The following HERC2 variants were observed in gnomAD, a reference collection of about 807,000 sequenced individuals.
The protein encoded by HERC2 is HECT and RLD domain containing E3 ubiquitin protein ligase 2, also known as E3 ubiquitin-protein ligase HERC2.
HERC2 carries 102 observed loss-of-function variants against 537.7 expected under a neutral mutation model. The observed-to-expected ratio is 0.19, with a 90% CI of 0.16 to 0.22. The LOEUF (loss-of-function observed/expected upper bound fraction) is 0.22, where lower values mean the gene tolerates loss of function less well. Among genes scored for constraint, HERC2 ranks in the 10% least tolerant of loss-of-function variants. The pLI is 1.00. For missense variants in HERC2, 4,236 were observed against 6,198.2 expected (o/e 0.68, Z 10.63); for synonymous variants, 2,224 against 2,466.2 (o/e 0.90, Z 2.91).
intron 2 of HERC2, among the ~76,000 whole-genome samples, chr15:28,314,167 A>T (rs2077019328): frequency 6.6e-6 from 1 of 152,218 alleles, no homozygotes; most frequent in South Asian, 2.1e-4. Context: ...AATATCTGAA[A>T]GTCAAGCAAA....
Position 28,142,905 on chromosome 15 carries a change from T to G in HERC2, c.11466A>C (p.Glu3822Asp), listed in dbSNP as rs1891366830. 6.2e-7 allele frequency: 1 copy of G among 1,602,432 alleles called. No individual in the cohort carries two copies. Among genetic ancestry groups the G allele is most frequent in the Non-Finnish European group, 8.5e-7 (1 of 1,170,354 alleles). Residue 3822 changes from glutamate to aspartate, a missense_variant, in exon 75 of 93, where the codon GAA becomes GAC. Transcript: ENST00000261609. ...CATATTCAAACTGCCTTTGCAAAGC[T>G]TCTGGAAGACCTTTCACCAAAGCAG... is the stretch of plus-strand genomic sequence containing the variant. ...ALAALVKGLP[E>D]ALQRQFEYED...
rs1258779567 is a variant in HERC2 at position 28,113,005 on chromosome 15, G to A, written c.14232+66C>T. ...TTCCATGTGCTGCAGGACTGTGGGT[G>A]AGGAGCCAGCCACCCACCGTCGGCC... is the stretch of plus-strand genomic sequence containing the variant. On this transcript the variant is annotated intron_variant, in intron 92 of 92. Transcript: ENST00000261609. This position sits in a 1 kb window ranked among gnomAD's most constrained non-coding sequence, Gnocchi z 7.0. The A allele has an allele frequency of 1.5e-6, 2 of 1,335,932 alleles. No homozygotes were observed. Among genetic ancestry groups the A allele is most frequent in the Admixed American group, 1.8e-5 (1 of 54,374 alleles). The allele number at this position is 1,335,932 out of a possible 1,614,324, so 82.8% of individuals were successfully genotyped here.
At position 28,201,587 on chromosome 15, in the gene HERC2, CAGG is replaced by C. The variant is rs753746021; in HGVS notation, c.7618-36_7618-34del. On this transcript the variant is annotated intron_variant, in intron 47 of 92. Coordinates refer to ENST00000261609, the MANE Select transcript of HERC2 (RefSeq NM_004667.6). Reference sequence around the variant, plus strand: ...AAATAAATACATTCAAACAAAAAAACAGGAGAACATGATAAACCTACTCAAAAA... The same window carrying C: ...AAATAAATACATTCAAACAAAAAAACAGAACATGATAAACCTACTCAAAAA... 177 of 1,348,546 alleles carry C rather than the reference CAGG, an allele frequency of 1.3e-4. No homozygotes were observed. In the African/African-American group the frequency reaches 2.2e-3, roughly 17 times the overall value. 83.5% of individuals were successfully genotyped at this position (1,348,546 alleles called of 1,614,324 possible).
intron 23 of HERC2, among the ~76,000 whole-genome samples, chr15:28,243,949 G>A (rs1347773332): frequency 1.3e-5 from 2 of 152,196 alleles, no homozygotes; most frequent in East Asian, 3.8e-4. Context: ...AGCACTGTGG[G>A]AGGATCACTT....
At chr15:28,154,180 G>GA (rs528812675) in intron 69 of HERC2, among the ~76,000 whole-genome samples, 7 of 152,000 alleles carry the variant, frequency 4.6e-5, no homozygotes, top group Non-Finnish European at 8.8e-5. Flanking sequence ...TTTTAATCCA[G>GA]AAAAAATAAA....
At chr15:28,304,165 C>CAAAAAAAAAAA (rs779514776) in intron 2 of HERC2, among the ~76,000 whole-genome samples, 1 of 63,816 alleles carries the variant, frequency 1.6e-5, no homozygotes, top group African/African-American at 5.5e-5. Context: ...GACTCCATCT[C>CAAAAAAAAAAA]AAAAAAAAAA....
rs368674139 is a variant in HERC2, at chr15:28,292,844, G to A, written c.322+44C>T. On this transcript the variant is annotated intron_variant, in intron 4 of 92. Transcript: ENST00000261609. ...TCCATCCAAGTTATTTAGAAAGGGA[G>A]CGTCAGATCAACCTTTCCAAAGTGC... is the stretch of plus-strand genomic sequence containing the variant. 157 of 1,579,704 alleles carry A rather than the reference G, an allele frequency of 9.9e-5. 1 individual carries two copies. Among genetic ancestry groups the A allele is most frequent in the Middle Eastern group, 4.6e-4 (2 of 4,370 alleles).
rs1314045976 is a variant in HERC2, at chr15:28,257,260, C to T, written c.2318G>A (p.Ser773Asn). 1 of 1,613,402 alleles carries T rather than the reference C, an allele frequency of 6.2e-7. No individual in the cohort carries two copies. Among genetic ancestry groups the T allele is most frequent in the African/African-American group, 1.3e-5 (1 of 74,930 alleles). Reference protein sequence around the residue: ...IVGIACGPAQSFAWSSCSEWS... With the variant: ...IVGIACGPAQNFAWSSCSEWS... The stretch of plus-strand genomic sequence containing the variant: ...CTCAGAACATGATGACCAAGCAAAG[C>T]TCTAAGAGGAAACGCAACAATCTAA... Residue 773 changes from serine (S) to asparagine (N), a missense_variant and splice_region_variant, in exon 17 of 93, where the codon AGC (serine) becomes AAC (asparagine). Transcript: ENST00000261609.
chr15:28,143,876 A>G lies in HERC2; in HGVS notation c.11415T>C (p.Ala3805=). 1 of 1,614,056 alleles carries G rather than the reference A, an allele frequency of 6.2e-7. No homozygotes were observed. Among genetic ancestry groups the G allele is most frequent in the Non-Finnish European group, 8.5e-7 (1 of 1,180,014 alleles). Residue 3805 remains alanine (A), a synonymous_variant, in exon 74 of 93, where the codon GCT becomes GCC. Transcript: ENST00000261609. Reference sequence around the variant, plus strand: ...ATTGTACTAGAATGCTCCATACCAAAGCTCTTGTTTCCCCATCATTTTCTC... The same window carrying G: ...ATTGTACTAGAATGCTCCATACCAAGGCTCTTGTTTCCCCATCATTTTCTC... ...LLGENDGETR[A]LSFTGSALAA...
In HERC2 at chr15:28,220,587, T is replaced by A. The variant is rs186663694; in HGVS notation, c.5710A>T (p.Ile1904Leu). ...VIGELGEDGW[I>L]RVQWDTGSTN... ...CTGCCTGTGTCCCACTGGACTCTTATCCATCCGTCCTCTCCCAGCTCACCA... is the reference window on the plus strand; with the variant it reads ...CTGCCTGTGTCCCACTGGACTCTTAACCATCCGTCCTCTCCCAGCTCACCA... The change falls in exon 37 of 93, where the codon ATA becomes TTA. Residue 1904 changes from isoleucine (I) to leucine (L), a missense_variant. Ile to Leu is a conservative substitution (Grantham distance 5). Coordinates refer to ENST00000261609, the MANE Select transcript of HERC2 (RefSeq NM_004667.6). 1.6e-5 allele frequency: 25 copies of A among 1,602,800 alleles called. No individual in the cohort carries two copies. The highest frequency in any genetic ancestry group is 2.1e-5 in the Non-Finnish European group (25 of 1,179,826).
intron 3 of HERC2, among the ~76,000 whole-genome samples, chr15:28,297,129 A>G (rs554377006): frequency 6.5e-4 from 99 of 152,390 alleles, no homozygotes; most frequent in Admixed American, 1.4e-3. Flanking sequence ...AAAGTTTCCA[A>G]GAATTACTAA....
intron 3 of HERC2, among the ~76,000 whole-genome samples, chr15:28,293,909 A>G (rs1391798613): frequency 6.6e-6 from 1 of 152,270 alleles, no homozygotes; most frequent in African/African-American, 2.4e-5. Context: ...GTAAGCGAAG[A>G]GAAGAGAGAA....
At chr15:28,264,374 T>C in intron 14 of HERC2, among the ~76,000 whole-genome samples, 1 of 152,136 alleles carries the variant, frequency 6.6e-6, no homozygotes, top group Non-Finnish European at 1.5e-5. Context: ...CACTATTACA[T>C]GGTCAATGAA....
In HERC2 at chr15:28,125,136, T is replaced by C. The variant is rs772480483; in HGVS notation, c.12860A>G (p.Asn4287Ser). ...TACCAACCGAGGCCTCTGGATGGCA[T>C]TGGTGGTTCCGTCTCCCAGTTGTCC... ...DEGQLGDGTTNAIQRPRLVAA... is the reference protein window; with the variant it reads ...DEGQLGDGTTSAIQRPRLVAA... The change falls in exon 84 of 93, where the codon AAT (asparagine) becomes AGT (serine). Residue 4287 changes from asparagine to serine, a missense_variant. By Grantham distance (46) the Asn-to-Ser change is conservative (BLOSUM62 1). Around this residue, in one of 27 missense-constraint regions of HERC2, gnomAD observed 189 missense variants for 255.7 expected, o/e 0.74. Transcript: ENST00000261609. 29 of 1,614,028 alleles carry C rather than the reference T, an allele frequency of 1.8e-5. No individual in the cohort carries two copies. The highest frequency in any genetic ancestry group is 2.3e-5 in the Non-Finnish European group (27 of 1,179,972).
intron 78 of HERC2, among the ~76,000 whole-genome samples, chr15:28,138,977 G>A (rs1471705637): frequency 2.0e-5 from 3 of 152,180 alleles, no homozygotes; most frequent in Non-Finnish European, 2.9e-5. Context: ...GATTCAACAC[G>A]AGTGGAAGAA....
At chr15:28,240,219 C>T (rs1245903019) in intron 23 of HERC2, among the ~76,000 whole-genome samples, 3 of 152,140 alleles carry the variant, frequency 2.0e-5, no homozygotes, top group African/African-American at 4.8e-5. Context: ...GAGATGGAGA[C>T]CATCCTGGCT....
chr15:28,173,676 G>C (rs1189505872), intron 65 of HERC2, among the ~76,000 whole-genome samples: 2 of 151,716 alleles, frequency 1.3e-5, no homozygotes, highest in Non-Finnish European at 1.5e-5. Context: ...GGTGACATGT[G>C]CCTGTAGTCC....
chr15:28,164,614 G>C (rs1209047415), intron 68 of HERC2, among the ~76,000 whole-genome samples: 1 of 152,068 alleles, frequency 6.6e-6, no homozygotes, highest in Non-Finnish European at 1.5e-5. Context: ...TGCTAAGGAA[G>C]AAAATCACTA....
At chr15:28,277,017 G>C (rs1223391796) in intron 5 of HERC2, among the ~76,000 whole-genome samples, 2 of 152,182 alleles carry the variant, frequency 1.3e-5, no homozygotes, top group South Asian at 4.1e-4. Flanking sequence ...TGAGGCTGCA[G>C]TGAGCTATGA....
Sources: gnomAD v4.1 joint callset for allele counts (sites outside exome capture counted in the v4.1 genomes callset) on GRCh38, gnomAD v4.1.1 for gene constraint, gnomAD v4.1.1 regional missense constraint, Gnocchi (gnomAD v3.1) non-coding constraint, MANE v1.5 for transcripts, NCBI Gene and HGNC (gene_info 2026-07-23, HGNC 2026-07-21) for gene names.